Variants in SIPA1L3 observed in about 807,000 individuals in gnomAD.
SIPA1L3 encodes signal-induced proliferation-associated 1-like protein 3.
Under a neutral mutation model 150.1 loss-of-function variants are expected in SIPA1L3, and 59 were observed. The observed-to-expected ratio is 0.39, with a 90% CI of 0.32 to 0.49. The LOEUF (loss-of-function observed/expected upper bound fraction) is 0.49. Ranked by LOEUF, SIPA1L3 falls within the 20% of genes least tolerant of loss-of-function variation. The pLI is 0.86. For missense variants in SIPA1L3, 2,211 were observed against 2,489.5 expected, an observed-to-expected ratio of 0.89 and a Z score of 2.38; for synonymous variants, 1,070 against 1,077.6, an observed-to-expected ratio of 0.99 and a Z score of 0.14.
intron 19 of SIPA1L3, chr19:38,200,989 C>T: frequency 6.7e-6 from 1 of 150,192 alleles, no homozygotes; most frequent in East Asian, 2.0e-4. Flanking sequence ...GGAAAGAGTG[C>T]TGGGGTTTTT....
At chr19:38,086,410 G>A (rs1970133049) in intron 3 of SIPA1L3, among the ~76,000 whole-genome samples, 1 of 152,126 alleles carries the variant, frequency 6.6e-6, no homozygotes, top group South Asian at 2.1e-4. Flanking sequence ...TTCTGGCCAA[G>A]CACAAGGGCT....
chr19:37,927,205 G>A (rs899816642), intron 1 of SIPA1L3, among the ~76,000 whole-genome samples: 2 of 148,984 alleles, frequency 1.3e-5, no homozygotes, highest in East Asian at 2.0e-4. Flanking sequence ...GTGTAGTGGC[G>A]CAATTTCAGC....
At chr19:38,110,141 T>C in intron 7 of SIPA1L3, 86 bp from the exon 8 acceptor site, 3 of 1,237,292 alleles carry the variant, frequency 2.4e-6, no homozygotes, top group Non-Finnish European at 3.4e-6. Flanking sequence ...TGGGGGTGGG[T>C]GGGGGGAGCT....
chr19:38,109,909 G>A lies in SIPA1L3; in HGVS notation c.2134-318G>A, dbSNP rs566544592. 22 of 295,666 alleles carry A rather than the reference G, an allele frequency of 7.4e-5. No homozygotes were observed. The South Asian group carries it at 1.3e-3, about 18-fold the overall frequency. 18.3% of individuals were successfully genotyped at this position (295,666 alleles called of 1,614,324 possible). ...ACGTAGTCAGCAAAGGCCTCCCTGG[G>A]AGGGTGAGGTTTATGCAAGACCAGA... On this transcript the variant is annotated intron_variant, in intron 7 of 21. Transcript: ENST00000222345.
intron 3 of SIPA1L3, among the ~76,000 whole-genome samples, chr19:38,084,635 C>CTTTTTTTTTTTT (rs902218818): frequency 1.9e-5 from 2 of 104,500 alleles, no homozygotes; most frequent in Non-Finnish European, 3.7e-5. Flanking sequence ...TTTTCTTTTT[C>CTTTTTTTTTTTT]TTTTTTTTTT....
chr19:37,983,752 A>T (rs999105844), intron 1 of SIPA1L3, among the ~76,000 whole-genome samples: 2 of 151,908 alleles, frequency 1.3e-5, no homozygotes, highest in Non-Finnish European at 2.9e-5. Flanking sequence ...CAAAAAACAC[A>T]AAAATTAGCT....
In SIPA1L3 at chr19:38,181,889, A is replaced by G. The variant is rs560882021; in HGVS notation, c.4209-630A>G. On this transcript the variant is annotated intron_variant, in intron 15 of 21. Coordinates refer to ENST00000222345, the MANE Select transcript of SIPA1L3 (RefSeq NM_015073.3). ...GGTTAAGGGCCAGGCCCAGTGGCTC[A>G]TCCTGTAATCCCAACACTTTGGGAG... Among the ~76,000 whole-genome samples, 7 of 149,748 alleles carry G rather than the reference A, an allele frequency of 4.7e-5. No homozygotes were observed. In the South Asian group the frequency reaches 1.5e-3, roughly 32 times the overall value.
At chr19:38,102,696 G>A in intron 6 of SIPA1L3, among the ~76,000 whole-genome samples, 1 of 152,160 alleles carries the variant, frequency 6.6e-6, no homozygotes, top group Non-Finnish European at 1.5e-5. Context: ...GCCAAGCGTG[G>A]TGGCTCATGC....
intron 4 of SIPA1L3, among the ~76,000 whole-genome samples, chr19:38,092,550 C>T (rs2145843831): frequency 6.6e-6 from 1 of 152,340 alleles, no homozygotes; most frequent in South Asian, 2.1e-4. Flanking sequence ...ACCTACAAAA[C>T]TAGCCGTGGG....
intron 7 of SIPA1L3, among the ~76,000 whole-genome samples, chr19:38,108,887 G>A (rs1380244985): frequency 6.6e-6 from 1 of 152,138 alleles, no homozygotes; most frequent in Non-Finnish European, 1.5e-5. Flanking sequence ...TACTCAGGAG[G>A]CTGAGGCAGG....
intron 1 of SIPA1L3, among the ~76,000 whole-genome samples, chr19:38,004,944 C>T (rs1393641492): frequency 6.6e-6 from 1 of 152,226 alleles, no homozygotes; most frequent in East Asian, 1.9e-4. Flanking sequence ...GAGCAATACA[C>T]GTTTCAGTAC....
intron 2 of SIPA1L3, among the ~76,000 whole-genome samples, chr19:38,060,891 C>A (rs997720539): frequency 6.6e-6 from 1 of 152,156 alleles, no homozygotes; most frequent in Non-Finnish European, 1.5e-5. Context: ...GGGATTTCAT[C>A]ATGTTGGCCA....
In SIPA1L3 at chr19:37,936,409, C is replaced by G. The variant is rs543581381; in HGVS notation, c.-379+29051C>G. On this transcript the variant is annotated intron_variant, in intron 1 of 21. Coordinates refer to ENST00000222345, the MANE Select transcript of SIPA1L3 (RefSeq NM_015073.3). ...GTAAATTCCTGGCATGGGCAGGGCACTGGGCTTCTCCCAAAGACTGTAAGA... is the reference window on the plus strand; with the variant it reads ...GTAAATTCCTGGCATGGGCAGGGCAGTGGGCTTCTCCCAAAGACTGTAAGA... 2.6e-5 allele frequency among the ~76,000 whole-genome samples: 4 copies of G among 152,346 alleles called. No individual in the cohort carries two copies. The South Asian group carries it at 8.3e-4, about 32-fold the overall frequency.
intron 1 of SIPA1L3, among the ~76,000 whole-genome samples, chr19:37,988,985 C>T (rs756061652): frequency 4.6e-5 from 7 of 152,202 alleles, no homozygotes; most frequent in Non-Finnish European, 8.8e-5. Flanking sequence ...ACAAGCCTGA[C>T]CTCCAAACAA....
chr19:37,950,730 C>A (rs1172156241), intron 1 of SIPA1L3, among the ~76,000 whole-genome samples: 2 of 152,222 alleles, frequency 1.3e-5, no homozygotes, highest in African/African-American at 2.4e-5. Context: ...CGCTGCGAGC[C>A]CTCCCAGGTC....
At chr19:38,177,147 G>A (rs1485435049) in intron 15 of SIPA1L3, among the ~76,000 whole-genome samples, 1 of 151,976 alleles carries the variant, frequency 6.6e-6, no homozygotes, top group Non-Finnish European at 1.5e-5. Context: ...AGATCATGAG[G>A]TCAGGAGATC....
At chr19:38,037,015 G>A (rs1599936334) in intron 2 of SIPA1L3, among the ~76,000 whole-genome samples, 1 of 152,326 alleles carries the variant, frequency 6.6e-6, no homozygotes, top group African/African-American at 2.4e-5. Flanking sequence ...GATACTCAGT[G>A]AGCAGTAACT....
chr19:38,022,432 A>T (rs1968394860), intron 1 of SIPA1L3, among the ~76,000 whole-genome samples: 1 of 151,120 alleles, frequency 6.6e-6, no homozygotes, highest in Non-Finnish European at 1.5e-5. Flanking sequence ...TATCTTTAAG[A>T]AGAAAAACTG....
At chr19:37,956,339 G>A (rs975215210) in intron 1 of SIPA1L3, among the ~76,000 whole-genome samples, 14 of 152,036 alleles carry the variant, frequency 9.2e-5, no homozygotes, top group African/African-American at 3.4e-4. Context: ...TGTATTGTTT[G>A]CCTATTTCTT....
Sources: gnomAD v4.1 joint callset for allele counts (sites outside exome capture counted in the v4.1 genomes callset) on GRCh38, gnomAD v4.1.1 for gene constraint, MANE v1.5 for transcripts, NCBI Gene and HGNC (gene_info 2026-07-23, HGNC 2026-07-21) for gene names.